The following SUDS3 variants were observed in gnomAD, a reference collection of about 807,000 sequenced individuals.
SUDS3 encodes SIN3A corepressor complex component SDS3.
Under a neutral mutation model 53.5 loss-of-function variants are expected in SUDS3, and 23 were observed. The ratio of observed to expected loss-of-function variants is 0.43; its 90% CI spans 0.31 to 0.61. The LOEUF (loss-of-function observed/expected upper bound fraction) is 0.61, where lower values mean the gene tolerates loss of function less well. SUDS3 is among the 20% of genes least tolerant of loss of function. The pLI, the probability that SUDS3 is intolerant of heterozygous loss-of-function variation, is 0.10. For missense variants in SUDS3, 291 were observed against 405.9 expected (o/e 0.72, Z 2.43); for synonymous variants, 150 against 148.5 (o/e 1.01, Z -0.08).
rs1265829391 is a variant in SUDS3, at chr12:118,401,831, A to T, written c.675+11A>T. 1 of 1,613,242 alleles carries T rather than the reference A, an allele frequency of 6.2e-7. No individual in the cohort carries two copies. The highest frequency in any genetic ancestry group is 8.5e-7 in the Non-Finnish European group (1 of 1,179,344). On this transcript the variant is annotated intron_variant, in intron 8 of 11. Transcript: ENST00000543473. ...AGAACATTAAATAAGGTACGGTTTGACTTTTTTGATTTATTTGAAAACTCA... is the reference window on the plus strand; with the variant it reads ...AGAACATTAAATAAGGTACGGTTTGTCTTTTTTGATTTATTTGAAAACTCA...
At position 118,414,393 on chromosome 12, in the gene SUDS3, A is replaced by G. The variant is rs1307883445; in HGVS notation, c.947A>G (p.Gln316Arg). Residue 316 changes from glutamine (Q) to arginine (R), a missense_variant, in exon 12 of 12, where the codon CAG (glutamine) becomes CGG (arginine). Physicochemically the swap from Gln to Arg is conservative, Grantham distance 43. Coordinates refer to ENST00000543473, the MANE Select transcript of SUDS3 (RefSeq NM_022491.3). ...TKMRIYLGQL[Q>R]RGLFVIRRRS... ...ATGAGGATCTACCTGGGCCAGCTTCAGCGCGGGCTCTTCGTGATCCGCCGG... is the reference window on the plus strand; with the variant it reads ...ATGAGGATCTACCTGGGCCAGCTTCGGCGCGGGCTCTTCGTGATCCGCCGG... The G allele has an allele frequency of 6.2e-7, 1 of 1,604,048 alleles. No homozygotes were observed. The highest frequency in any genetic ancestry group is 2.2e-5 in the East Asian group (1 of 44,460).
At chr12:118,405,621 T>G (rs1438612720) in intron 10 of SUDS3, among the ~76,000 whole-genome samples, 1 of 152,000 alleles carries the variant, frequency 6.6e-6, no homozygotes, top group Non-Finnish European at 1.5e-5. Flanking sequence ...GAGAATGTTG[T>G]TTTTTTTCTC....
chr12:118,391,103 G>T, intron 5 of SUDS3, 23 bp from the exon 6 acceptor site: 2 of 1,611,558 alleles, frequency 1.2e-6, no homozygotes, highest in Non-Finnish European at 1.7e-6. Context: ...TGTACTCCCA[G>T]CCCGTGTTTC....
intron 4 of SUDS3, among the ~76,000 whole-genome samples, chr12:118,389,351 A>G (rs1034207280): frequency 6.6e-6 from 1 of 152,062 alleles, no homozygotes; most frequent in Non-Finnish European, 1.5e-5. Context: ...TTCTGGAGTA[A>G]TTGCATTATT....
At chr12:118,378,443 T>G (rs1327890648) in intron 1 of SUDS3, among the ~76,000 whole-genome samples, 1 of 152,068 alleles carries the variant, frequency 6.6e-6, no homozygotes, top group African/African-American at 2.4e-5. Flanking sequence ...TAACAACTAC[T>G]TACATAGTAT....
chr12:118,388,435 C>T (rs2046134121), intron 4 of SUDS3, among the ~76,000 whole-genome samples: 1 of 152,116 alleles, frequency 6.6e-6, no homozygotes, highest in Non-Finnish European at 1.5e-5. Flanking sequence ...CGCACAGCCC[C>T]CTGTCACCCA....
chr12:118,407,507 G>A (rs1021432820), intron 10 of SUDS3, among the ~76,000 whole-genome samples: 17 of 152,258 alleles, frequency 1.1e-4, no homozygotes, highest in South Asian at 6.2e-4. Flanking sequence ...CTTCCCAGAG[G>A]TAATAGACCA....
chr12:118,384,089 G>A (rs748372716), intron 3 of SUDS3, 22 bp downstream of exon 3: 13 of 1,610,398 alleles, frequency 8.1e-6, no homozygotes, highest in Non-Finnish European at 1.1e-5. Flanking sequence ...ATTGAATCCT[G>A]CATTTCTAAA....
chr12:118,387,029 T>A (rs1593757900), intron 4 of SUDS3, among the ~76,000 whole-genome samples: 1 of 152,324 alleles, frequency 6.6e-6, no homozygotes, highest in East Asian at 1.9e-4. Flanking sequence ...CTCCTCATGC[T>A]GCTGTCATCT....
chr12:118,414,490 T>TGTTTC lies in SUDS3; in HGVS notation c.*62_*66dup. 1 of 1,375,504 alleles carries TGTTTC rather than the reference T, an allele frequency of 7.3e-7. No individual in the cohort carries two copies. Among genetic ancestry groups the TGTTTC allele is most frequent in the Non-Finnish European group, 9.8e-7 (1 of 1,022,878 alleles). 85.2% of individuals were successfully genotyped at this position (1,375,504 alleles called of 1,614,324 possible). On this transcript the variant is annotated 3_prime_UTR_variant, in exon 12 of 12. Transcript: ENST00000543473. ...TCTGGAGTGGGTTTTATTTTTGTTTTGTTTCGTTTTCTCCTTAATAGAAAA... is the reference window on the plus strand; with the variant it reads ...TCTGGAGTGGGTTTTATTTTTGTTTTGTTTCGTTTCGTTTTCTCCTTAATAGAAAA...
chr12:118,408,742 T>G (rs1206428686), intron 10 of SUDS3, among the ~76,000 whole-genome samples: 1 of 152,112 alleles, frequency 6.6e-6, no homozygotes, highest in Non-Finnish European at 1.5e-5. Context: ...ACACTCGTAA[T>G]ATTCTACACC....
At chr12:118,387,529 C>G (rs1338296833) in intron 4 of SUDS3, among the ~76,000 whole-genome samples, 1 of 151,834 alleles carries the variant, frequency 6.6e-6, no homozygotes, top group Non-Finnish European at 1.5e-5. Context: ...TCATTCTGCT[C>G]AGACTCTCAA....
intron 2 of SUDS3, among the ~76,000 whole-genome samples, chr12:118,383,042 A>C (rs958664072): frequency 3.9e-5 from 6 of 152,130 alleles, no homozygotes; most frequent in Admixed American, 3.9e-4. Flanking sequence ...GGGAAATCTA[A>C]AGTGCATCAG....
chr12:118,384,842 A>AG (rs1307306916), intron 3 of SUDS3, among the ~76,000 whole-genome samples: 7 of 152,024 alleles, frequency 4.6e-5, no homozygotes. Context: ...AAAAAAAAAA[A>AG]AAAGAGTGCA....
chr12:118,402,036 C>G (rs759380681), intron 9 of SUDS3, 32 bp downstream of exon 9: 2 of 1,613,298 alleles, frequency 1.2e-6, no homozygotes, highest in East Asian at 2.2e-5. Context: ...ATTTGTGCAA[C>G]CTTTTTATCA....
At chr12:118,379,755 C>T (rs1026898425) in intron 1 of SUDS3, among the ~76,000 whole-genome samples, 2 of 152,186 alleles carry the variant, frequency 1.3e-5, no homozygotes, top group East Asian at 3.9e-4. Context: ...GAAGTAGCAG[C>T]CTTCACCATA....
At chr12:118,413,119 T>G (rs2046372725) in intron 11 of SUDS3, among the ~76,000 whole-genome samples, 1 of 152,212 alleles carries the variant, frequency 6.6e-6, no homozygotes, top group Non-Finnish European at 1.5e-5. Flanking sequence ...ATGTGAGGTC[T>G]TTAACTTTTT....
At chr12:118,395,792 A>G (rs939909118) in intron 6 of SUDS3, among the ~76,000 whole-genome samples, 1 of 151,362 alleles carries the variant, frequency 6.6e-6, no homozygotes, top group Non-Finnish European at 1.5e-5. Context: ...CCTGGGTTCA[A>G]GCGATTCTCC....
Position 118,389,956 on chromosome 12 carries a change from A to G in SUDS3, c.360+10A>G, listed in dbSNP as rs756670786. 1.2e-6 allele frequency: 2 copies of G among 1,613,884 alleles called. No homozygotes were observed. Among genetic ancestry groups the G allele is most frequent in the Non-Finnish European group, 1.7e-6 (2 of 1,179,886 alleles). ...CTTCCTCCAGCTGGAAGTAAGTACC[A>G]CGGATCTTCTGGGTTTGCAGGCCCT... is the stretch of plus-strand genomic sequence containing the variant. On this transcript the variant is annotated intron_variant, in intron 5 of 11. Transcript: ENST00000543473.
Sources: allele counts gnomAD v4.1 joint callset (sites outside exome capture counted in the v4.1 genomes callset), GRCh38; gene constraint gnomAD v4.1.1; transcripts MANE v1.5; gene names NCBI Gene and HGNC (gene_info 2026-07-23, HGNC 2026-07-21).